NRXN3: variants seen among roughly 807,000 people sequenced by gnomAD.
NRXN3 encodes the protein neurexin III.
Under a neutral mutation model 137.6 loss-of-function variants are expected in NRXN3, and 32 were observed. The ratio of observed to expected loss-of-function variants is 0.23; its 90% CI spans 0.18 to 0.31. NRXN3 has a LOEUF of 0.31. Ranked by LOEUF, NRXN3 falls within the 10% of genes least tolerant of loss-of-function variation. The pLI, the probability that NRXN3 is intolerant of heterozygous loss-of-function variation, is 1.00. For missense variants in NRXN3, 1,574 were observed against 2,062.5 expected, an observed-to-expected ratio of 0.76 and a Z score of 4.59; for synonymous variants, 798 against 784.5, an observed-to-expected ratio of 1.02 and a Z score of -0.29.
At chr14:79,846,908 C>G (rs1002227334) in intron 20 of NRXN3, among the ~76,000 whole-genome samples, 1 of 152,150 alleles carries the variant, frequency 6.6e-6, no homozygotes, top group Non-Finnish European at 1.5e-5. Context: ...TTTTACCCCC[C>G]ACACTAGCCT....
chr14:79,117,787 C>G (rs1568337996), intron 15 of NRXN3, among the ~76,000 whole-genome samples: 1 of 152,202 alleles, frequency 6.6e-6, no homozygotes, highest in African/African-American at 2.4e-5. Context: ...GAAGGAGACA[C>G]CACCTTTCAA....
intron 4 of NRXN3, among the ~76,000 whole-genome samples, chr14:78,342,154 G>C (rs1385522914): frequency 1.3e-5 from 2 of 152,242 alleles, no homozygotes; most frequent in Non-Finnish European, 2.9e-5. Flanking sequence ...CCAGGATAGA[G>C]AGAGGGAGAG....
intron 4 of NRXN3, among the ~76,000 whole-genome samples, chr14:78,620,634 C>T (rs925732504): frequency 1.3e-5 from 2 of 152,112 alleles, no homozygotes; most frequent in Non-Finnish European, 2.9e-5. Flanking sequence ...GTCGTGTTTA[C>T]GGTGCTGGAA....
chr14:78,652,063 C>A (rs530562453), intron 6 of NRXN3, among the ~76,000 whole-genome samples: 1 of 152,306 alleles, frequency 6.6e-6, no homozygotes, highest in African/African-American at 2.4e-5. Context: ...TGATTTTGAC[C>A]TGGCAAATAG....
intron 16 of NRXN3, among the ~76,000 whole-genome samples, chr14:79,591,806 A>T (rs1433425645): frequency 6.6e-6 from 1 of 152,164 alleles, no homozygotes; most frequent in Non-Finnish European, 1.5e-5. Flanking sequence ...TTCTTTCTGT[A>T]GAAATTAACT....
intron 15 of NRXN3, among the ~76,000 whole-genome samples, chr14:79,073,177 G>A (rs950064968): frequency 9.2e-5 from 14 of 152,018 alleles, no homozygotes; most frequent in East Asian, 1.9e-4. Flanking sequence ...ATGAGCCACC[G>A]CGCCCGGCCC....
chr14:78,689,445 T>C (rs1337183246), intron 6 of NRXN3, among the ~76,000 whole-genome samples: 1 of 152,196 alleles, frequency 6.6e-6, no homozygotes, highest in Non-Finnish European at 1.5e-5. Context: ...TATTAAATGC[T>C]TACTTTAAAC....
At chr14:78,196,345 G>T (rs1365418291) in intron 1 of NRXN3, among the ~76,000 whole-genome samples, 1 of 152,244 alleles carries the variant, frequency 6.6e-6, no homozygotes, top group Non-Finnish European at 1.5e-5. Flanking sequence ...CTGAGCACCT[G>T]TTATAGGTTA....
At chr14:78,259,525 C>T (rs867998446) in intron 2 of NRXN3, among the ~76,000 whole-genome samples, 1 of 152,130 alleles carries the variant, frequency 6.6e-6, no homozygotes, top group Non-Finnish European at 1.5e-5. Flanking sequence ...TCTCCTACCT[C>T]TGGTCTCTGT....
At chr14:78,495,643 C>A (rs1020563483) in intron 4 of NRXN3, among the ~76,000 whole-genome samples, 2 of 152,124 alleles carry the variant, frequency 1.3e-5, no homozygotes, top group African/African-American at 4.8e-5. Flanking sequence ...CTCTTGATTT[C>A]TTATATTAGG....
At chr14:78,548,873 A>G (rs1234645068) in intron 4 of NRXN3, among the ~76,000 whole-genome samples, 1 of 152,098 alleles carries the variant, frequency 6.6e-6, no homozygotes, top group East Asian at 1.9e-4. Flanking sequence ...CCACTCTACC[A>G]AAGACCTGAA....
chr14:78,190,993 T>A (rs1317030535), intron 1 of NRXN3, among the ~76,000 whole-genome samples: 1 of 152,108 alleles, frequency 6.6e-6, no homozygotes, highest in Non-Finnish European at 1.5e-5. Flanking sequence ...CTTTTATATA[T>A]GAAAGGAAAT....
chr14:79,831,063 A>G (rs942917746), intron 20 of NRXN3, among the ~76,000 whole-genome samples: 4 of 134,866 alleles, frequency 3.0e-5, no homozygotes, highest in Admixed American at 8.3e-5. Flanking sequence ...CGACAGTCCT[A>G]TTAGAGATAG....
In NRXN3 at chr14:78,523,966, C is replaced by T. The variant is rs1186880103; in HGVS notation, c.758-121154C>T. On this transcript the variant is annotated intron_variant, in intron 4 of 20. Coordinates refer to ENST00000335750, the MANE Select transcript of NRXN3 (RefSeq NM_001330195.2). ...AATGAATTTCCTTTCAATTTCAGTG[C>T]GTCCTTTCACTACAAAACAGCCCAA... Among the ~76,000 whole-genome samples, 5 of 151,936 alleles carry T rather than the reference C, an allele frequency of 3.3e-5. No individual in the cohort carries two copies. The South Asian group carries it at 6.2e-4, about 19-fold the overall frequency.
At chr14:79,199,745 C>G (rs1017301725) in intron 15 of NRXN3, among the ~76,000 whole-genome samples, 6 of 152,148 alleles carry the variant, frequency 3.9e-5, no homozygotes, top group African/African-American at 1.4e-4. Context: ...TTCAAACAGA[C>G]AAACCATGGT....
intron 16 of NRXN3, among the ~76,000 whole-genome samples, chr14:79,633,132 G>A (rs2098373471): frequency 6.6e-6 from 1 of 152,134 alleles, no homozygotes; most frequent in South Asian, 2.1e-4. Flanking sequence ...AACACTACAT[G>A]TACCTGCCTT....
At chr14:78,987,660 A>AT (rs577144023) in intron 14 of NRXN3, among the ~76,000 whole-genome samples, 3,645 of 150,360 alleles carry the variant, frequency 0.024, 73 homozygotes, top group Non-Finnish European at 0.034. Flanking sequence ...CATGGGAATG[A>AT]TTTTTTTTTT....
At chr14:78,964,790 A>AT (rs200720605) in intron 11 of NRXN3, among the ~76,000 whole-genome samples, 17 of 150,378 alleles carry the variant, frequency 1.1e-4, no homozygotes, top group South Asian at 2.1e-4. Context: ...GTCTCTTTGT[A>AT]TTTTTTTTTC....
chr14:78,833,049 A>G (rs56348120), intron 10 of NRXN3, among the ~76,000 whole-genome samples: 9,688 of 152,236 alleles, frequency 0.064, 894 homozygotes, highest in African/African-American at 0.2. Context: ...GATAGACTCC[A>G]TGAGGCTGAG....
Sources: gnomAD v4.1 joint callset for allele counts (sites outside exome capture counted in the v4.1 genomes callset) on GRCh38, gnomAD v4.1.1 for gene constraint, MANE v1.5 for transcripts, NCBI Gene and HGNC (gene_info 2026-07-23, HGNC 2026-07-21) for gene names.